CTNNA3: variants seen among roughly 807,000 people sequenced by gnomAD.
CTNNA3 encodes catenin alpha-3.
A neutral mutation model predicts 95.7 loss-of-function variants in CTNNA3; 76 were observed. That is an observed-to-expected ratio of 0.79 (90% CI 0.66 to 0.96). CTNNA3 has a LOEUF of 0.96. CTNNA3 is among the 40% of genes least tolerant of loss of function. CTNNA3 has a pLI of 0.00. For missense variants in CTNNA3, 1,191 were observed against 1,089.8 expected (o/e 1.09, Z -1.31); for synonymous variants, 431 against 374.4 (o/e 1.15, Z -1.74).
At chr10:67,111,035 G>C (rs1858887231) in intron 7 of CTNNA3, among the ~76,000 whole-genome samples, 1 of 152,130 alleles carries the variant, frequency 6.6e-6, no homozygotes, top group Admixed American at 6.5e-5. Flanking sequence ...AACAGTTAGA[G>C]TTGCAGGGTC....
At position 66,831,892 on chromosome 10, in the gene CTNNA3, T is replaced by A. The variant is rs190053457; in HGVS notation, c.1048-56368A>T. ...TTCAATTTAAGACATAGTTCAAGCT[T>A]TCAAAAACTAATGAGGATAAGGCAA... On this transcript the variant is annotated intron_variant, in intron 7 of 17. Transcript: ENST00000433211. Among the ~76,000 whole-genome samples, 589 of 152,230 alleles carry A rather than the reference T, an allele frequency of 3.9e-3. 5 individuals are homozygous for A. The highest frequency in any genetic ancestry group is 5.4e-3 in the Non-Finnish European group (370 of 68,010).
At chr10:66,551,856 G>T (rs1842226238) in intron 10 of CTNNA3, among the ~76,000 whole-genome samples, 2 of 145,438 alleles carry the variant, frequency 1.4e-5, no homozygotes, top group Admixed American at 1.4e-4. Flanking sequence ...CCTGAAAATT[G>T]TACAGGTTCA....
chr10:67,034,220 G>T (rs1210438122), intron 7 of CTNNA3, among the ~76,000 whole-genome samples: 7 of 152,100 alleles, frequency 4.6e-5, no homozygotes, highest in Admixed American at 2.0e-4. Flanking sequence ...CAGGGCAACC[G>T]GGATCACTTT....
chr10:66,809,742 G>T (rs990000269), intron 7 of CTNNA3, among the ~76,000 whole-genome samples: 1 of 151,186 alleles, frequency 6.6e-6, no homozygotes, highest in African/African-American at 2.4e-5. Flanking sequence ...ACGGTCTTTG[G>T]CACATTTAGG....
chr10:66,061,961 C>T (rs1379919746), intron 15 of CTNNA3, among the ~76,000 whole-genome samples: 1 of 152,116 alleles, frequency 6.6e-6, no homozygotes, highest in African/African-American at 2.4e-5. Context: ...TGGGTCTTAT[C>T]CTGTGTTTAG....
At chr10:67,219,168 C>T (rs1256849371) in intron 6 of CTNNA3, among the ~76,000 whole-genome samples, 1 of 152,208 alleles carries the variant, frequency 6.6e-6, no homozygotes, top group Admixed American at 6.5e-5. Flanking sequence ...AACATCTATA[C>T]AATTTTGTTC....
chr10:67,322,613 C>T (rs1841371022), intron 5 of CTNNA3, among the ~76,000 whole-genome samples: 1 of 152,154 alleles, frequency 6.6e-6, no homozygotes, highest in South Asian at 2.1e-4. Flanking sequence ...TTTCTTTATC[C>T]AGTCTACCAT....
intron 11 of CTNNA3, among the ~76,000 whole-genome samples, chr10:66,480,564 A>G (rs1839484182): frequency 6.6e-6 from 1 of 152,162 alleles, no homozygotes; most frequent in Non-Finnish European, 1.5e-5. Flanking sequence ...AATGACTCCA[A>G]TGATATTACA....
intron 5 of CTNNA3, among the ~76,000 whole-genome samples, chr10:67,372,572 A>G (rs1287779035): frequency 6.6e-6 from 1 of 152,246 alleles, no homozygotes; most frequent in Non-Finnish European, 1.5e-5. Flanking sequence ...ATCCAGGAGA[A>G]CTTCCCCAAC....
At position 66,914,763 on chromosome 10, in the gene CTNNA3, A is replaced by G. The variant is rs140628042; in HGVS notation, c.1048-139239T>C. On this transcript the variant is annotated intron_variant, in intron 7 of 17. Transcript: ENST00000433211. ...AATATTCTAAGTTGCAGGATTTGCC[A>G]TCTCTCAACTCTGCCATTGTAGCTT... Among the ~76,000 whole-genome samples the G allele has an allele frequency of 4.6e-5, 7 of 152,314 alleles. No homozygotes were observed. The East Asian group carries it at 7.7e-4, about 17-fold the overall frequency.
At chr10:66,153,168 G>A (rs10996934) in intron 13 of CTNNA3, among the ~76,000 whole-genome samples, 26,569 of 151,562 alleles carry the variant, frequency 0.18, 2,779 homozygotes, top group South Asian at 0.4. Context: ...TTTGCATTCA[G>A]TTCTTTTAAA....
chr10:67,005,488 T>G (rs1851914375), intron 7 of CTNNA3, among the ~76,000 whole-genome samples: 1 of 152,056 alleles, frequency 6.6e-6, no homozygotes, highest in African/African-American at 2.4e-5. Flanking sequence ...GCCATAGGTT[T>G]TATATGGGAG....
At chr10:67,238,728 T>A (rs1428448839) in intron 5 of CTNNA3, among the ~76,000 whole-genome samples, 2 of 152,208 alleles carry the variant, frequency 1.3e-5, no homozygotes, top group East Asian at 1.9e-4. Flanking sequence ...GCTTCTTTAC[T>A]TAAATCTGGA....
intron 11 of CTNNA3, among the ~76,000 whole-genome samples, chr10:66,419,857 C>T (rs184531551): frequency 7.9e-5 from 12 of 152,072 alleles, no homozygotes; most frequent in Non-Finnish European, 1.8e-4. Context: ...GAAACTGAAC[C>T]CCTATCTCTC....
At chr10:66,759,346 G>T (rs1486444789) in intron 9 of CTNNA3, among the ~76,000 whole-genome samples, 1 of 152,174 alleles carries the variant, frequency 6.6e-6, no homozygotes, top group Non-Finnish European at 1.5e-5. Flanking sequence ...AGATATAAGA[G>T]ATATCAAGTG....
chr10:67,622,106 G>A (rs12267067), intron 2 of CTNNA3, among the ~76,000 whole-genome samples: 20,053 of 152,138 alleles, frequency 0.13, 1,432 homozygotes, highest in Non-Finnish European at 0.16. Flanking sequence ...AAATAGCCCC[G>A]GGGAGTCTAT....
chr10:67,326,992 C>T (rs1841563904), intron 5 of CTNNA3, among the ~76,000 whole-genome samples: 1 of 152,086 alleles, frequency 6.6e-6, no homozygotes, highest in African/African-American at 2.4e-5. Context: ...CTCTGGGATT[C>T]TTTCCTCCAC....
intron 9 of CTNNA3, among the ~76,000 whole-genome samples, chr10:66,711,544 CTTTTTTCT>C (rs1199247725): frequency 1.3e-5 from 2 of 151,744 alleles, no homozygotes; most frequent in African/African-American, 4.8e-5. Flanking sequence ...GTGGGCTTTT[CTTTTTTCT>C]TTTTTTGTTT....
At chr10:66,762,530 A>T (rs1839641688) in intron 9 of CTNNA3, among the ~76,000 whole-genome samples, 1 of 151,796 alleles carries the variant, frequency 6.6e-6, no homozygotes, top group Admixed American at 6.6e-5. Context: ...ATAGTAAACT[A>T]CAATAATAGA....
Sources: allele counts gnomAD v4.1 joint callset (sites outside exome capture counted in the v4.1 genomes callset), GRCh38; gene constraint gnomAD v4.1.1; transcripts MANE v1.5; gene names NCBI Gene and HGNC (gene_info 2026-07-23, HGNC 2026-07-21).